The following RAB11FIP4 variants were observed in gnomAD, a reference collection of about 807,000 sequenced individuals.
RAB11FIP4 encodes the protein RAB11 family interacting protein 4.
RAB11FIP4 carries 23 observed loss-of-function variants against 74.3 expected under a neutral mutation model. The observed-to-expected ratio is 0.31, with a 90% CI of 0.22 to 0.44. RAB11FIP4 has a LOEUF of 0.44. Ranked by LOEUF, RAB11FIP4 falls within the 20% of genes least tolerant of loss-of-function variation. The probability of loss-of-function intolerance (pLI) is 1.00; values close to 1 mark genes in which losing one functional copy is unlikely to be tolerated. For missense variants in RAB11FIP4, 630 were observed against 863.9 expected (o/e 0.73, Z 3.39); for synonymous variants, 360 against 359.9 (o/e 1.00, Z 0.00).
At chr17:31,494,120 A>T (rs902311054) in intron 3 of RAB11FIP4, among the ~76,000 whole-genome samples, 3 of 152,162 alleles carry the variant, frequency 2.0e-5, no homozygotes, top group Admixed American at 1.3e-4. Flanking sequence ...GCCTTTACTT[A>T]GTTGACACTC....
At chr17:31,393,721 A>G (rs1026170259) in intron 1 of RAB11FIP4, among the ~76,000 whole-genome samples, 13 of 151,950 alleles carry the variant, frequency 8.6e-5, no homozygotes, top group East Asian at 1.9e-4. Flanking sequence ...TCCCAGCTCC[A>G]TACTCCCATT....
intron 3 of RAB11FIP4, among the ~76,000 whole-genome samples, chr17:31,489,325 G>A (rs1354639564): frequency 6.6e-6 from 1 of 152,174 alleles, no homozygotes; most frequent in East Asian, 1.9e-4. Flanking sequence ...CTGAAAGGTG[G>A]TTACAGTGGT....
chr17:31,429,098 AG>A (rs1208166770), intron 1 of RAB11FIP4, among the ~76,000 whole-genome samples: 1 of 152,114 alleles, frequency 6.6e-6, no homozygotes, highest in African/African-American at 2.4e-5. Context: ...GACCTTGGAG[AG>A]GATTGTAGGT....
chr17:31,420,931 A>G (rs1484100155), intron 1 of RAB11FIP4, among the ~76,000 whole-genome samples: 1 of 152,050 alleles, frequency 6.6e-6, no homozygotes, highest in East Asian at 1.9e-4. Context: ...TAAAAAATAC[A>G]AAATTAGCCA....
At chr17:31,513,048 G>A (rs779365991) in intron 3 of RAB11FIP4, among the ~76,000 whole-genome samples, 1 of 152,098 alleles carries the variant, frequency 6.6e-6, no homozygotes, top group African/African-American at 2.4e-5. Context: ...GATGTAGACC[G>A]TGCAGCTGGG....
intron 3 of RAB11FIP4, among the ~76,000 whole-genome samples, chr17:31,481,709 T>A (rs1395685300): frequency 6.6e-6 from 1 of 152,150 alleles, no homozygotes; most frequent in Non-Finnish European, 1.5e-5. Context: ...GATGACTGAA[T>A]GAGTCAGGGG....
intron 5 of RAB11FIP4, among the ~76,000 whole-genome samples, chr17:31,521,697 C>T (rs1477397480): frequency 1.3e-5 from 2 of 152,096 alleles, no homozygotes; most frequent in Non-Finnish European, 2.9e-5. Flanking sequence ...GAAATGAGCT[C>T]GCAGTTTGCC....
At chr17:31,524,137 T>C in intron 9 of RAB11FIP4, 141 bp downstream of exon 9, 1 of 654,902 alleles carries the variant, frequency 1.5e-6, no homozygotes, top group Middle Eastern at 4.1e-4. Flanking sequence ...TCTTGTCACA[T>C]GGCCCTGCCC....
At chr17:31,503,984 G>A (rs1421000038) in intron 3 of RAB11FIP4, among the ~76,000 whole-genome samples, 1 of 149,504 alleles carries the variant, frequency 6.7e-6, no homozygotes, top group Non-Finnish European at 1.5e-5. Context: ...TCAGAGAAAT[G>A]CAAATGAAAA....
intron 3 of RAB11FIP4, among the ~76,000 whole-genome samples, chr17:31,440,405 A>G (rs1465333277): frequency 1.3e-5 from 2 of 152,198 alleles, no homozygotes; most frequent in African/African-American, 4.8e-5. Flanking sequence ...AGCCAAAACC[A>G]TAGTTTCAGT....
At chr17:31,420,004 T>G (rs191425061) in intron 1 of RAB11FIP4, among the ~76,000 whole-genome samples, 2 of 152,366 alleles carry the variant, frequency 1.3e-5, no homozygotes, top group African/African-American at 4.8e-5. Context: ...TGAAATTATC[T>G]GGTCCTGAGG....
At chr17:31,530,123 G>A (rs2072840834) in intron 13 of RAB11FIP4, among the ~76,000 whole-genome samples, 1 of 152,234 alleles carries the variant, frequency 6.6e-6, no homozygotes, top group African/African-American at 2.4e-5. Context: ...CAGGATGCCA[G>A]TCCCCTGGAC....
intron 1 of RAB11FIP4, among the ~76,000 whole-genome samples, chr17:31,419,873 T>G (rs1294386320): frequency 6.6e-6 from 1 of 152,160 alleles, no homozygotes; most frequent in African/African-American, 2.4e-5. Flanking sequence ...CTTATATTGC[T>G]TTTGTTTGGT....
At chr17:31,438,645 A>G (rs763719275) in intron 3 of RAB11FIP4, among the ~76,000 whole-genome samples, 2 of 151,874 alleles carry the variant, frequency 1.3e-5, no homozygotes, top group Non-Finnish European at 2.9e-5. Context: ...GCTCCTACCC[A>G]CTACTCTAGC....
At chr17:31,473,632 A>G (rs2071761693) in intron 3 of RAB11FIP4, among the ~76,000 whole-genome samples, 3 of 152,188 alleles carry the variant, frequency 2.0e-5, no homozygotes, top group Non-Finnish European at 2.9e-5. Context: ...GAAGGTGAGA[A>G]GGAGGCGGTC....
chr17:31,402,646 G>T (rs945211420), intron 1 of RAB11FIP4, among the ~76,000 whole-genome samples: 1 of 116,156 alleles, frequency 8.6e-6, no homozygotes, highest in African/African-American at 4.1e-5. Context: ...TTTTGAGACA[G>T]AGTCTTGCTT....
chr17:31,426,997 C>A (rs532502069), intron 1 of RAB11FIP4, among the ~76,000 whole-genome samples: 6 of 148,532 alleles, frequency 4.0e-5, no homozygotes, highest in African/African-American at 1.5e-4. Context: ...CTTGCCCTGT[C>A]ACCCAGGCTG....
intron 3 of RAB11FIP4, among the ~76,000 whole-genome samples, chr17:31,497,695 G>A (rs992752275): frequency 1.3e-5 from 2 of 152,120 alleles, no homozygotes; most frequent in African/African-American, 4.8e-5. Context: ...CATGGAAGTC[G>A]GGGCTGAGTT....
rs751332849 is a variant in RAB11FIP4, at chr17:31,499,754, G to C, written c.337-17897G>C. Among the ~76,000 whole-genome samples the C allele has an allele frequency of 1.3e-5, 2 of 151,606 alleles. 1 individual carries two copies. Among genetic ancestry groups the C allele is most frequent in the African/African-American group, 4.9e-5 (2 of 40,914 alleles). Reference sequence around the variant, plus strand: ...GACTGGCCACATGGTAGGCGCCCTAGTATGTCAACTTTGTTCTCTTTCTCT... The same window carrying C: ...GACTGGCCACATGGTAGGCGCCCTACTATGTCAACTTTGTTCTCTTTCTCT... On this transcript the variant is annotated intron_variant, in intron 3 of 14. Transcript: ENST00000621161.
Sources: gnomAD v4.1 joint callset for allele counts (sites outside exome capture counted in the v4.1 genomes callset) on GRCh38, gnomAD v4.1.1 for gene constraint, MANE v1.5 for transcripts, NCBI Gene and HGNC (gene_info 2026-07-23, HGNC 2026-07-21) for gene names.